Variants in PDE11A observed in about 807,000 individuals in gnomAD.
PDE11A encodes the protein phosphodiesterase 11A.
PDE11A carries 100 observed loss-of-function variants against 100.5 expected under a neutral mutation model. The ratio of observed to expected loss-of-function variants is 1.00; its 90% CI spans 0.85 to 1.18. PDE11A has a LOEUF of 1.18. PDE11A is among the 50% of genes most tolerant of loss of function. The pLI is 0.00. For missense variants in PDE11A, 1,141 were observed against 1,152.6 expected (o/e 0.99, Z 0.15); for synonymous variants, 381 against 420.8 (o/e 0.91, Z 1.16).
In PDE11A at chr2:177,711,826, A is replaced by G. The variant is rs774390793; in HGVS notation, c.2096T>C (p.Val699Ala). The change falls in exon 13 of 20, where the codon GTG (valine) becomes GCG (alanine). Residue 699 changes from valine (V) to alanine (A), a missense_variant. By Grantham distance (64) the Val-to-Ala change is moderately conservative. Coordinates refer to ENST00000286063, the MANE Select transcript of PDE11A (RefSeq NM_016953.4). ...GTCGAGGTCATGACACAGGCATCCC[A>G]CAATCACCGCTAAAATTTCCACCTC... ...LTEVEILAVIVGCLCHDLDHR... is the reference protein window; with the variant it reads ...LTEVEILAVIAGCLCHDLDHR... 3.7e-6 allele frequency: 6 copies of G among 1,613,176 alleles called. No individual in the cohort carries two copies. The African/African-American group carries it at 8.0e-5, about 22-fold the overall frequency.
chr2:177,919,165 A>G (rs1277133866), intron 2 of PDE11A, among the ~76,000 whole-genome samples: 1 of 138,156 alleles, frequency 7.2e-6, no homozygotes, highest in Non-Finnish European at 1.6e-5. Context: ...TGGCATGATC[A>G]TGGCTCACTG....
intron 9 of PDE11A, among the ~76,000 whole-genome samples, chr2:177,794,224 A>C (rs1321956598): frequency 6.6e-6 from 1 of 152,206 alleles, no homozygotes; most frequent in East Asian, 1.9e-4. Flanking sequence ...GAATAGTACA[A>C]ATAAAACCTG....
chr2:177,815,436 T>C (rs1254960577), intron 9 of PDE11A, among the ~76,000 whole-genome samples: 4 of 152,206 alleles, frequency 2.6e-5, no homozygotes, highest in Non-Finnish European at 4.4e-5. Flanking sequence ...CACTCATTTA[T>C]TGATGCATCT....
intron 15 of PDE11A, among the ~76,000 whole-genome samples, chr2:177,692,157 G>GTA (rs2081049150): frequency 6.6e-6 from 1 of 152,140 alleles, no homozygotes; most frequent in Non-Finnish European, 1.5e-5. Context: ...ATGGCATAAT[G>GTA]TATATATAAA....
intron 10 of PDE11A, among the ~76,000 whole-genome samples, chr2:177,736,054 T>C (rs1433153897): frequency 2.0e-5 from 3 of 152,258 alleles, no homozygotes; most frequent in Admixed American, 6.5e-5. Flanking sequence ...CTGGGAATAT[T>C]TGAAGACCAA....
At chr2:178,048,142 CAG>C (rs1366437072) in intron 1 of PDE11A, among the ~76,000 whole-genome samples, 2 of 152,152 alleles carry the variant, frequency 1.3e-5, no homozygotes, top group African/African-American at 4.8e-5. Context: ...TGACTTGAAT[CAG>C]AGTTGTGGTA....
chr2:177,894,275 A>G (rs2084575958), intron 4 of PDE11A, among the ~76,000 whole-genome samples: 1 of 152,200 alleles, frequency 6.6e-6, no homozygotes, highest in South Asian at 2.1e-4. Flanking sequence ...TGGGGATGCC[A>G]CATAAATAGA....
intron 4 of PDE11A, among the ~76,000 whole-genome samples, chr2:177,896,847 T>C (rs907451872): frequency 6.6e-6 from 1 of 152,190 alleles, no homozygotes; most frequent in African/African-American, 2.4e-5. Flanking sequence ...TGTGTGCATG[T>C]TCTCCCAAGG....
At chr2:177,989,253 T>C (rs947295958) in intron 2 of PDE11A, among the ~76,000 whole-genome samples, 6 of 152,190 alleles carry the variant, frequency 3.9e-5, no homozygotes, top group Non-Finnish European at 8.8e-5. Context: ...AGCAATTCAC[T>C]AGAGATGTGG....
rs962806884 is a variant in PDE11A at position 177,638,859 on chromosome 2, G to A, written c.2647-9297C>T. On this transcript the variant is annotated intron_variant, in intron 19 of 19. Coordinates refer to ENST00000286063, the MANE Select transcript of PDE11A (RefSeq NM_016953.4). ...GCATGGACTATTTTCCCCAGGCTGT[G>A]TGACCTCTGTGGATCACTTTACTTG... Among the ~76,000 whole-genome samples the A allele has an allele frequency of 4.6e-5, 7 of 152,314 alleles. No individual in the cohort carries two copies. The East Asian group carries it at 5.8e-4, about 13-fold the overall frequency.
chr2:177,946,023 C>T (rs1296956326), intron 2 of PDE11A, among the ~76,000 whole-genome samples: 13 of 148,394 alleles, frequency 8.8e-5, no homozygotes, highest in Non-Finnish European at 1.1e-4. Context: ...CCCCCCCACC[C>T]GGCCAGCCGC....
chr2:177,875,933 A>G lies in PDE11A; in HGVS notation c.1303-10T>C. 1.3e-6 allele frequency: 2 copies of G among 1,569,646 alleles called. No homozygotes were observed. Among genetic ancestry groups the G allele is most frequent in the East Asian group, 2.2e-5 (1 of 44,630 alleles). On this transcript the variant is annotated splice_polypyrimidine_tract_variant and intron_variant, in intron 4 of 19. Coordinates refer to ENST00000286063, the MANE Select transcript of PDE11A (RefSeq NM_016953.4). ...TGGTAAATTTCACCACCTGTCGCAT[A>G]GAAAGATAATAAATCCAGGTCAATT...
intron 2 of PDE11A, among the ~76,000 whole-genome samples, chr2:177,926,068 TAAAG>T (rs3031405): frequency 0.086 from 13,043 of 152,202 alleles, 519 homozygotes; most frequent in South Asian, 0.1. Context: ...AGCAAGATAA[TAAAG>T]ATAGTAGAAA....
intron 4 of PDE11A, among the ~76,000 whole-genome samples, chr2:177,883,952 C>T (rs1010377633): frequency 6.6e-6 from 1 of 152,190 alleles, no homozygotes; most frequent in Admixed American, 6.5e-5. Flanking sequence ...TAACTACACC[C>T]AATGTCTTTC....
chr2:177,722,642 A>G (rs1275866203), intron 12 of PDE11A, among the ~76,000 whole-genome samples: 1 of 152,178 alleles, frequency 6.6e-6, no homozygotes, highest in East Asian at 1.9e-4. Context: ...ATTTAAACAC[A>G]GTATTCAAAT....
Position 177,753,784 on chromosome 2 carries a change from C to G in PDE11A, c.1788+15539G>C, listed in dbSNP as rs113125641. Among the ~76,000 whole-genome samples the G allele has an allele frequency of 6.6e-3, 1,000 of 151,088 alleles. 14 individuals carry two copies. Among genetic ancestry groups the G allele is most frequent in the African/African-American group, 0.023 (933 of 41,134 alleles). Reference sequence around the variant, plus strand: ...TATCAGGCAGATAAGATTGGGGGGGCCAACATCTATCTTGTATGCATCCTA... The same window carrying G: ...TATCAGGCAGATAAGATTGGGGGGGGCAACATCTATCTTGTATGCATCCTA... On this transcript the variant is annotated intron_variant, in intron 10 of 19. Coordinates refer to ENST00000286063, the MANE Select transcript of PDE11A (RefSeq NM_016953.4).
intron 9 of PDE11A, among the ~76,000 whole-genome samples, chr2:177,796,280 A>G (rs1183034204): frequency 6.6e-6 from 1 of 151,994 alleles, no homozygotes; most frequent in Non-Finnish European, 1.5e-5. Context: ...AGAAAAGTCC[A>G]TGGATTTCCG....
At chr2:177,641,351 C>T (rs2080138823) in intron 19 of PDE11A, among the ~76,000 whole-genome samples, 1 of 148,610 alleles carries the variant, frequency 6.7e-6, no homozygotes, top group African/African-American at 2.5e-5. Context: ...CTTTGAAATG[C>T]CAAAATAATC....
intron 1 of PDE11A, among the ~76,000 whole-genome samples, chr2:178,058,574 C>T (rs2086927790): frequency 2.6e-5 from 4 of 152,172 alleles, no homozygotes; most frequent in Admixed American, 2.0e-4. Context: ...TCTTTTTCTT[C>T]CCAGTCTCGG....
Sources: allele counts gnomAD v4.1 joint callset (sites outside exome capture counted in the v4.1 genomes callset), GRCh38; gene constraint gnomAD v4.1.1; transcripts MANE v1.5; gene names NCBI Gene and HGNC (gene_info 2026-07-23, HGNC 2026-07-21).